Variants in ZBTB7C observed in about 807,000 individuals in gnomAD.
ZBTB7C encodes the protein zinc finger and BTB domain-containing protein 7C.
Under a neutral mutation model 25.7 loss-of-function variants are expected in ZBTB7C, and 8 were observed. The observed-to-expected ratio is 0.31, with a 90% CI of 0.18 to 0.56. The LOEUF (loss-of-function observed/expected upper bound fraction) is 0.56, where lower values mean the gene tolerates loss of function less well. ZBTB7C is among the 20% of genes least tolerant of loss of function. ZBTB7C has a pLI of 0.91. For missense variants in ZBTB7C, 824 were observed against 855.2 expected, an observed-to-expected ratio of 0.96 and a Z score of 0.46; for synonymous variants, 394 against 369.0, an observed-to-expected ratio of 1.07 and a Z score of -0.78.
In ZBTB7C at chr18:48,212,206, A is replaced by G. The variant is rs181011796; in HGVS notation, c.-78-26211T>C. On this transcript the variant is annotated intron_variant, in intron 2 of 4. Coordinates refer to ENST00000590800, the MANE Select transcript of ZBTB7C (RefSeq NM_001318841.2). ...CCCGTCTCTACAAATAATTAAAAAC[A>G]TATATATATTTTTAAAAAGTCAGTC... Among the ~76,000 whole-genome samples, 3 of 152,232 alleles carry G rather than the reference A, an allele frequency of 2.0e-5. No individual in the cohort carries two copies. In the East Asian group the frequency reaches 5.8e-4, roughly 29 times the overall value.
chr18:48,282,980 A>T (rs754368631), intron 2 of ZBTB7C, among the ~76,000 whole-genome samples: 2 of 152,220 alleles, frequency 1.3e-5, no homozygotes, highest in South Asian at 4.1e-4. Context: ...TATGCCTATG[A>T]TGTGTACATT....
intron 1 of ZBTB7C, among the ~76,000 whole-genome samples, chr18:48,367,202 T>TATATATATATATATATACACACAC (rs1302394192): frequency 6.0e-4 from 38 of 63,384 alleles, no homozygotes; most frequent in African/African-American, 2.3e-3. Context: ...TATATATATA[T>TATATATATATATATATACACACAC]ACACACACAC....
chr18:48,080,040 G>C (rs1035150548), intron 3 of ZBTB7C, among the ~76,000 whole-genome samples: 1 of 152,246 alleles, frequency 6.6e-6, no homozygotes, highest in Non-Finnish European at 1.5e-5. Context: ...ACCACACTCT[G>C]GCAAGCCCAC....
chr18:48,331,216 C>A (rs2046335869), intron 2 of ZBTB7C, among the ~76,000 whole-genome samples: 1 of 152,106 alleles, frequency 6.6e-6, no homozygotes, highest in Admixed American at 6.5e-5. Flanking sequence ...GCAGACAGAG[C>A]CATGCTGCAT....
chr18:48,129,082 G>T (rs779879576), intron 3 of ZBTB7C, among the ~76,000 whole-genome samples: 3 of 152,026 alleles, frequency 2.0e-5, no homozygotes, highest in African/African-American at 7.2e-5. Context: ...GGATGATTTC[G>T]GAACACAGAT....
chr18:48,177,059 G>A (rs905817409), intron 3 of ZBTB7C, among the ~76,000 whole-genome samples: 3 of 152,260 alleles, frequency 2.0e-5, no homozygotes, highest in African/African-American at 7.2e-5. Context: ...GGACATCTAC[G>A]GGAACTATTA....
chr18:48,277,150 T>A (rs2044684178), intron 2 of ZBTB7C, among the ~76,000 whole-genome samples: 1 of 140,148 alleles, frequency 7.1e-6, no homozygotes, highest in Non-Finnish European at 1.5e-5. Flanking sequence ...ACAAATGGGA[T>A]CTAATTAAAC....
At chr18:48,037,754 T>C (rs1254787050) in intron 4 of ZBTB7C, among the ~76,000 whole-genome samples, 1 of 152,182 alleles carries the variant, frequency 6.6e-6, no homozygotes, top group Non-Finnish European at 1.5e-5. Flanking sequence ...CTGTTAGCCA[T>C]CTGCCAAGGG....
intron 3 of ZBTB7C, among the ~76,000 whole-genome samples, chr18:48,128,656 G>C (rs968235119): frequency 2.0e-5 from 3 of 152,052 alleles, no homozygotes; most frequent in Non-Finnish European, 2.9e-5. Flanking sequence ...CTAAGCGATG[G>C]GTACGCAAAG....
At chr18:48,306,137 T>C (rs2045668238) in intron 2 of ZBTB7C, among the ~76,000 whole-genome samples, 1 of 152,232 alleles carries the variant, frequency 6.6e-6, no homozygotes. Context: ...AATCACATTT[T>C]AGCAAGAAAT....
chr18:48,191,640 T>C (rs1319682815), intron 2 of ZBTB7C, among the ~76,000 whole-genome samples: 1 of 152,160 alleles, frequency 6.6e-6, no homozygotes, highest in Non-Finnish European at 1.5e-5. Context: ...GAGAAAGTAC[T>C]TCTGGGGCTA....
At chr18:48,220,993 T>G (rs1160027794) in intron 2 of ZBTB7C, among the ~76,000 whole-genome samples, 2 of 151,928 alleles carry the variant, frequency 1.3e-5, no homozygotes, top group African/African-American at 4.8e-5. Context: ...CTCTATACTG[T>G]CCTGGTCTCC....
At chr18:48,395,671 G>A (rs2048015238) in intron 1 of ZBTB7C, among the ~76,000 whole-genome samples, 2 of 152,186 alleles carry the variant, frequency 1.3e-5, no homozygotes, top group African/African-American at 4.8e-5. Flanking sequence ...CAGGTACCCA[G>A]GGACTGGGGG....
chr18:48,308,920 G>C (rs1202950988), intron 2 of ZBTB7C, among the ~76,000 whole-genome samples: 1 of 151,636 alleles, frequency 6.6e-6, no homozygotes, highest in Non-Finnish European at 1.5e-5. Flanking sequence ...TTAAGTCAGA[G>C]AACCAAAGCT....
At chr18:48,098,422 C>T (rs183958396) in intron 3 of ZBTB7C, among the ~76,000 whole-genome samples, 1 of 152,116 alleles carries the variant, frequency 6.6e-6, no homozygotes, top group Admixed American at 6.5e-5. Flanking sequence ...AAAAGTTGGC[C>T]GTGGCTAGAG....
chr18:48,209,904 T>C (rs866934423), intron 2 of ZBTB7C, among the ~76,000 whole-genome samples: 3 of 152,134 alleles, frequency 2.0e-5, no homozygotes, highest in Admixed American at 2.0e-4. Flanking sequence ...GTAGAAAATA[T>C]TTGAAAATCA....
At chr18:48,330,259 T>C (rs979896193) in intron 2 of ZBTB7C, among the ~76,000 whole-genome samples, 1 of 152,214 alleles carries the variant, frequency 6.6e-6, no homozygotes, top group Admixed American at 6.5e-5. Flanking sequence ...GAATGTACCT[T>C]GTTGAGGTCT....
intron 3 of ZBTB7C, among the ~76,000 whole-genome samples, chr18:48,058,023 T>G (rs1403863645): frequency 1.3e-5 from 2 of 152,224 alleles, no homozygotes; most frequent in African/African-American, 4.8e-5. Flanking sequence ...ACTCCAGTTA[T>G]CTGTTAGTTC....
At chr18:48,216,971 T>C (rs546048974) in intron 2 of ZBTB7C, among the ~76,000 whole-genome samples, 4 of 151,908 alleles carry the variant, frequency 2.6e-5, no homozygotes, top group Non-Finnish European at 4.4e-5. Context: ...AAAGGGGAGG[T>C]TTGGACACCA....
Sources: gnomAD v4.1 joint callset for allele counts (sites outside exome capture counted in the v4.1 genomes callset) on GRCh38, gnomAD v4.1.1 for gene constraint, MANE v1.5 for transcripts, NCBI Gene and HGNC (gene_info 2026-07-23, HGNC 2026-07-21) for gene names.